LRP1B: variants seen among roughly 807,000 people sequenced by gnomAD.
The protein encoded by LRP1B is low-density lipoprotein receptor-related protein 1B.
LRP1B carries 217 observed loss-of-function variants against 556.6 expected under a neutral mutation model. The ratio of observed to expected loss-of-function variants is 0.39; its 90% CI spans 0.35 to 0.44. LRP1B has a LOEUF of 0.44. Ranked by LOEUF, LRP1B falls within the 20% of genes least tolerant of loss-of-function variation. The pLI is 1.00. For synonymous variants in LRP1B, 2,047 were observed against 1,865.8 expected (o/e 1.10, Z -2.50); for missense variants, 5,053 against 5,620.8 (o/e 0.90, Z 3.23).
At chr2:141,628,458 AT>A (rs200527305) in intron 2 of LRP1B, among the ~76,000 whole-genome samples, 3 of 152,162 alleles carry the variant, frequency 2.0e-5, no homozygotes, top group Admixed American at 6.5e-5. Context: ...AAAAAAAAAA[AT>A]TCTTGATGGA....
At chr2:140,539,582 C>T (rs968794112) in intron 45 of LRP1B, among the ~76,000 whole-genome samples, 1 of 152,072 alleles carries the variant, frequency 6.6e-6, no homozygotes, top group African/African-American at 2.4e-5. Flanking sequence ...GACAGGCCTC[C>T]ACCGAACAGA....
intron 3 of LRP1B, among the ~76,000 whole-genome samples, chr2:141,269,474 T>C (rs1282220053): frequency 6.6e-6 from 1 of 152,118 alleles, no homozygotes; most frequent in African/African-American, 2.4e-5. Context: ...AGCTTAATAA[T>C]AGAAAGATCA....
intron 2 of LRP1B, among the ~76,000 whole-genome samples, chr2:141,664,626 T>C (rs1203842023): frequency 6.6e-6 from 1 of 151,814 alleles, no homozygotes; most frequent in African/African-American, 2.4e-5. Flanking sequence ...GAGAATAAAA[T>C]ACCTAGGAAT....
intron 66 of LRP1B, among the ~76,000 whole-genome samples, chr2:140,428,361 T>C (rs1422700725): frequency 1.3e-5 from 2 of 152,100 alleles, no homozygotes; most frequent in Non-Finnish European, 2.9e-5. Flanking sequence ...TCCAAACGCC[T>C]AAACCGCAGT....
intron 7 of LRP1B, among the ~76,000 whole-genome samples, chr2:141,066,671 C>T (rs16845267): frequency 0.24 from 35,757 of 151,726 alleles, 4,861 homozygotes; most frequent in East Asian, 0.44. Context: ...GGTCAGTCCC[C>T]GTCCTTAACT....
intron 60 of LRP1B, among the ~76,000 whole-genome samples, chr2:140,461,915 C>A (rs1196516014): frequency 2.0e-5 from 3 of 152,010 alleles, no homozygotes; most frequent in African/African-American, 4.8e-5. Context: ...AATGCAATCA[C>A]CAAATTCTGC....
intron 1 of LRP1B, among the ~76,000 whole-genome samples, chr2:142,041,615 T>C (rs1704069577): frequency 6.6e-6 from 1 of 151,416 alleles, no homozygotes; most frequent in Admixed American, 6.6e-5. Flanking sequence ...TTCAAGCACA[T>C]ATTTTGGCTA....
intron 3 of LRP1B, among the ~76,000 whole-genome samples, chr2:141,402,595 C>T (rs1474185213): frequency 6.6e-6 from 1 of 151,870 alleles, no homozygotes; most frequent in Non-Finnish European, 1.5e-5. Flanking sequence ...CAAATGAAGA[C>T]CAAAGTTGTA....
chr2:140,701,882 C>A (rs745352463), intron 39 of LRP1B, 37 bp from the exon 40 acceptor site: 1 of 1,610,942 alleles, frequency 6.2e-7, no homozygotes, highest in Non-Finnish European at 8.5e-7. Context: ...CAACAATCTT[C>A]GACTAATTAA....
intron 35 of LRP1B, among the ~76,000 whole-genome samples, chr2:140,726,257 A>G (rs1478130177): frequency 6.6e-6 from 1 of 152,148 alleles, no homozygotes; most frequent in Non-Finnish European, 1.5e-5. Flanking sequence ...TTGGTCTTCT[A>G]TGGGAGGATA....
At chr2:141,868,772 C>A (rs1212370327) in intron 1 of LRP1B, among the ~76,000 whole-genome samples, 31 of 151,958 alleles carry the variant, frequency 2.0e-4, no homozygotes, top group Admixed American at 1.2e-3. Flanking sequence ...GTACTAAATG[C>A]CTATAGTAAA....
intron 3 of LRP1B, among the ~76,000 whole-genome samples, chr2:141,266,302 T>A (rs1385718089): frequency 7.1e-6 from 1 of 140,418 alleles, no homozygotes; most frequent in Non-Finnish European, 1.5e-5. Flanking sequence ...CCAGCCTGAG[T>A]GATGGAGCGA....
At chr2:141,088,926 G>T (rs1177661516) in intron 7 of LRP1B, among the ~76,000 whole-genome samples, 1 of 152,008 alleles carries the variant, frequency 6.6e-6, no homozygotes, top group African/African-American at 2.4e-5. Context: ...CATAAAAGGG[G>T]TTTTTCTGGA....
chr2:140,943,975 G>A (rs1695472754), intron 20 of LRP1B, among the ~76,000 whole-genome samples: 1 of 151,974 alleles, frequency 6.6e-6, no homozygotes, highest in South Asian at 2.1e-4. Context: ...AAGGATCAGT[G>A]AAAGGAAATG....
At chr2:141,570,646 A>G (rs1224291200) in intron 2 of LRP1B, among the ~76,000 whole-genome samples, 1 of 151,114 alleles carries the variant, frequency 6.6e-6, no homozygotes, top group Non-Finnish European at 1.5e-5. Context: ...CTGCCTAACA[A>G]GCTAAGCTCC....
chr2:141,121,001 T>G (rs888642689), intron 7 of LRP1B, among the ~76,000 whole-genome samples: 1 of 152,038 alleles, frequency 6.6e-6, no homozygotes, highest in African/African-American at 2.4e-5. Flanking sequence ...GAGGGTTGGT[T>G]AGCTTCTGGG....
intron 37 of LRP1B, among the ~76,000 whole-genome samples, chr2:140,714,732 T>C (rs1687150158): frequency 6.6e-6 from 1 of 152,108 alleles, no homozygotes; most frequent in South Asian, 2.1e-4. Context: ...GGTCAAATTT[T>C]CTCCTTTAAG....
At chr2:142,006,693 A>T (rs1385847314) in intron 1 of LRP1B, among the ~76,000 whole-genome samples, 1 of 152,162 alleles carries the variant, frequency 6.6e-6, no homozygotes, top group Non-Finnish European at 1.5e-5. Flanking sequence ...AATTGCTTGA[A>T]AGTTTTATAG....
intron 4 of LRP1B, among the ~76,000 whole-genome samples, chr2:141,252,868 A>C (rs1684314174): frequency 6.6e-6 from 1 of 152,174 alleles, no homozygotes; most frequent in Non-Finnish European, 1.5e-5. Flanking sequence ...GTATAGAGAA[A>C]GTACAAAGAT....
Sources: allele counts gnomAD v4.1 joint callset (sites outside exome capture counted in the v4.1 genomes callset), GRCh38; gene constraint gnomAD v4.1.1; transcripts MANE v1.5; gene names NCBI Gene and HGNC (gene_info 2026-07-23, HGNC 2026-07-21).